Variants in CNTN5 observed in about 807,000 individuals in gnomAD.
CNTN5 encodes the protein contactin 5, also known as contactin-5.
CNTN5 carries 77 observed loss-of-function variants against 129.1 expected under a neutral mutation model. The ratio of observed to expected loss-of-function variants is 0.60; its 90% confidence interval spans 0.50 to 0.72. CNTN5 has a LOEUF of 0.72. Among genes scored for constraint, CNTN5 ranks in the 30% least tolerant of loss-of-function variants. CNTN5 has a pLI of 0.00. For missense variants in CNTN5, 1,478 were observed against 1,328.8 expected (o/e 1.11, Z -1.75); for synonymous variants, 509 against 465.6 (o/e 1.09, Z -1.20).
At position 100,294,273 on chromosome 11, in the gene CNTN5, T is replaced by C. The variant is rs189270303; in HGVS notation, c.2315-3352T>C. On this transcript the variant is annotated intron_variant, in intron 18 of 24. Coordinates refer to ENST00000524871, the MANE Select transcript of CNTN5 (RefSeq NM_014361.4). Reference sequence around the variant, plus strand: ...ATATTATTAGTGTGACTCACTTTGTTCAACCTACTGAGAAGTCCTTTGATA... The same window carrying C: ...ATATTATTAGTGTGACTCACTTTGTCCAACCTACTGAGAAGTCCTTTGATA... 2.2e-3 allele frequency among the ~76,000 whole-genome samples: 331 copies of C among 151,926 alleles called. 1 individual carries two copies. Among genetic ancestry groups the C allele is most frequent in the South Asian group, 3.3e-3 (16 of 4,826 alleles).
intron 1 of CNTN5, among the ~76,000 whole-genome samples, chr11:99,294,348 C>T (rs1233696501): frequency 6.6e-6 from 1 of 152,070 alleles, no homozygotes; most frequent in Non-Finnish European, 1.5e-5. Context: ...GTGTAAATAG[C>T]TCATTAGCAT....
At chr11:99,042,688 A>C (rs1192689151) in intron 1 of CNTN5, among the ~76,000 whole-genome samples, 1 of 151,878 alleles carries the variant, frequency 6.6e-6, no homozygotes, top group Non-Finnish European at 1.5e-5. Context: ...TCCCTTCTTT[A>C]AACTCTAAGA....
chr11:99,667,171 C>A (rs2135935061), intron 3 of CNTN5, among the ~76,000 whole-genome samples: 1 of 151,732 alleles, frequency 6.6e-6, no homozygotes, highest in East Asian at 1.9e-4. Flanking sequence ...TTTTTTTAAA[C>A]CAAAGGTCAG....
At chr11:99,163,672 C>T (rs1353753276) in intron 1 of CNTN5, among the ~76,000 whole-genome samples, 2 of 152,036 alleles carry the variant, frequency 1.3e-5, no homozygotes, top group African/African-American at 4.8e-5. Context: ...TAAAGTTTGT[C>T]ATAATATTTA....
chr11:99,090,470 A>C (rs893175253), intron 1 of CNTN5, among the ~76,000 whole-genome samples: 5 of 152,202 alleles, frequency 3.3e-5, no homozygotes, highest in Non-Finnish European at 7.4e-5. Context: ...AATTTCAGCC[A>C]GTGAAATACA....
chr11:100,255,606 G>T (rs939717360), intron 16 of CNTN5, among the ~76,000 whole-genome samples, 154 bp from the exon 17 acceptor site: 4 of 152,074 alleles, frequency 2.6e-5, no homozygotes, highest in Non-Finnish European at 5.9e-5. Context: ...ACTCCAACTT[G>T]CATCCATGAC....
intron 3 of CNTN5, among the ~76,000 whole-genome samples, chr11:99,688,488 T>C (rs547603548): frequency 6.6e-6 from 1 of 152,206 alleles, no homozygotes; most frequent in Non-Finnish European, 1.5e-5. Context: ...ATTGGTGTAA[T>C]CCTCCTTTCA....
intron 1 of CNTN5, among the ~76,000 whole-genome samples, chr11:99,300,101 G>C (rs778471409): frequency 6.6e-6 from 1 of 151,900 alleles, no homozygotes; most frequent in African/African-American, 2.4e-5. Flanking sequence ...ACAGGTTGAC[G>C]CCTTTTATTT....
intron 3 of CNTN5, among the ~76,000 whole-genome samples, chr11:99,754,632 C>A (rs1944350514): frequency 1.3e-5 from 2 of 152,086 alleles, no homozygotes. Flanking sequence ...ATGTTCACAG[C>A]AAAATTAAGT....
intron 21 of CNTN5, among the ~76,000 whole-genome samples, chr11:100,334,018 T>G (rs1388326117): frequency 6.6e-6 from 1 of 152,116 alleles, no homozygotes; most frequent in Admixed American, 6.6e-5. Context: ...TGGGAGAGAA[T>G]CTTCACAGTC....
intron 1 of CNTN5, among the ~76,000 whole-genome samples, chr11:99,172,927 T>C (rs886870729): frequency 3.9e-5 from 6 of 152,174 alleles, no homozygotes; most frequent in South Asian, 2.1e-4. Context: ...ATACCCGAGA[T>C]TGGGAAATTT....
intron 20 of CNTN5, among the ~76,000 whole-genome samples, chr11:100,301,732 CA>C (rs1951224978): frequency 6.6e-6 from 1 of 151,590 alleles, no homozygotes; most frequent in African/African-American, 2.4e-5. Context: ...CAAATCTGAT[CA>C]CACTAACTAG....
intron 3 of CNTN5, among the ~76,000 whole-genome samples, chr11:99,723,397 A>G (rs569026594): frequency 6.6e-6 from 1 of 152,150 alleles, no homozygotes; most frequent in Non-Finnish European, 1.5e-5. Context: ...ATATTCCCCT[A>G]GTACTTTTCA....
chr11:99,130,934 C>CAAAG (rs1858900250), intron 1 of CNTN5, among the ~76,000 whole-genome samples: 1 of 151,918 alleles, frequency 6.6e-6, no homozygotes, highest in African/African-American at 2.4e-5. Context: ...AGACATGGAC[C>CAAAG]AGAATCTCTG....
intron 7 of CNTN5, among the ~76,000 whole-genome samples, chr11:99,925,575 C>T (rs1950042269): frequency 6.6e-6 from 1 of 152,102 alleles, no homozygotes; most frequent in Non-Finnish European, 1.5e-5. Flanking sequence ...CCCTCATTCC[C>T]CTTGGCCTTG....
At chr11:100,094,269 C>T (rs1226554546) in intron 13 of CNTN5, among the ~76,000 whole-genome samples, 3 of 152,174 alleles carry the variant, frequency 2.0e-5, no homozygotes, top group African/African-American at 4.8e-5. Context: ...TCTTTCTCCA[C>T]CTCTTCATCT....
chr11:99,789,246 C>A (rs12365189), intron 3 of CNTN5, among the ~76,000 whole-genome samples: 8,855 of 151,824 alleles, frequency 0.058, 300 homozygotes, highest in Non-Finnish European at 0.079. Context: ...ACAATGTACT[C>A]AAAAATTCAT....
At chr11:100,077,665 T>C (rs1944186842) in intron 13 of CNTN5, among the ~76,000 whole-genome samples, 1 of 151,538 alleles carries the variant, frequency 6.6e-6, no homozygotes. Flanking sequence ...CTACAAAAAA[T>C]AAAAAAGAAG....
Position 100,074,258 on chromosome 11 carries a change from G to A in CNTN5, c.1544G>A (p.Trp515Ter). ...PQGSPKPTIS[W>*]KKGDRAVREN... ...GGCTCTCCAAAACCAACCATCTCTTGGAAGAAAGGAGACAGAGCAGTTAGA... is the reference window on the plus strand; with the variant it reads ...GGCTCTCCAAAACCAACCATCTCTTAGAAGAAAGGAGACAGAGCAGTTAGA... The change falls in exon 13 of 25, where the codon TGG becomes TAG. Residue 515 changes from tryptophan to a stop codon, truncating the protein, a stop_gained. Transcript: ENST00000524871. LOFTEE classifies it high-confidence loss of function. 3 of 1,609,422 alleles carry A rather than the reference G, an allele frequency of 1.9e-6. No individual in the cohort carries two copies. The highest frequency in any genetic ancestry group is 1.1e-5 in the South Asian group (1 of 90,576).
Sources: allele counts gnomAD v4.1 joint callset (sites outside exome capture counted in the v4.1 genomes callset), GRCh38; gene constraint gnomAD v4.1.1; transcripts MANE v1.5; gene names NCBI Gene and HGNC (gene_info 2026-07-23, HGNC 2026-07-21).